The following SVOPL variants were observed in gnomAD, a reference collection of about 807,000 sequenced individuals.
SVOPL encodes the protein putative transporter SVOPL.
In SVOPL, 60 loss-of-function variants were observed where a neutral mutation model predicts 61.0. The ratio of observed to expected loss-of-function variants is 0.98; its 90% CI spans 0.80 to 1.22. The LOEUF (loss-of-function observed/expected upper bound fraction) is 1.22, where lower values mean the gene tolerates loss of function less well. Ranked by LOEUF, SVOPL falls within the 50% of genes most tolerant of loss-of-function variation. SVOPL has a pLI of 0.00. For missense variants in SVOPL, 662 were observed against 643.9 expected (o/e 1.03, Z -0.30); for synonymous variants, 279 against 250.0 (o/e 1.12, Z -1.09).
chr7:138,653,908 G>A (rs1480961640), intron 7 of SVOPL, among the ~76,000 whole-genome samples: 1 of 148,794 alleles, frequency 6.7e-6, no homozygotes, highest in African/African-American at 2.5e-5. Context: ...ACTCCAGCCT[G>A]GACGACAGAG....
intron 13 of SVOPL, among the ~76,000 whole-genome samples, chr7:138,622,424 A>G (rs1186223614): frequency 6.6e-6 from 1 of 151,040 alleles, no homozygotes; most frequent in East Asian, 1.9e-4. Context: ...CCTCCCAAGT[A>G]GCTGGGATTA....
chr7:138,599,828 C>T (rs1798437242), intron 14 of SVOPL, among the ~76,000 whole-genome samples: 1 of 146,278 alleles, frequency 6.8e-6, no homozygotes, highest in Non-Finnish European at 1.5e-5. Context: ...GCAGAGGTTG[C>T]AGTGAGCTGA....
intron 1 of SVOPL, among the ~76,000 whole-genome samples, chr7:138,688,793 C>G (rs948478343): frequency 3.3e-5 from 5 of 152,076 alleles, no homozygotes; most frequent in African/African-American, 1.2e-4. Context: ...TAGGTATAAC[C>G]TCAGGAGAAT....
intron 14 of SVOPL, among the ~76,000 whole-genome samples, chr7:138,605,897 C>A (rs192092229): frequency 6.6e-6 from 1 of 152,150 alleles, no homozygotes; most frequent in Non-Finnish European, 1.5e-5. Context: ...TTCCAATCAA[C>A]CTCTTGCATG....
Position 138,644,813 on chromosome 7 carries a change from G to A in SVOPL, c.693C>T (p.Ser231=), listed in dbSNP as rs1452014194. The A allele has an allele frequency of 1.2e-6, 2 of 1,614,158 alleles. No individual in the cohort carries two copies. Among genetic ancestry groups the A allele is most frequent in the Non-Finnish European group, 1.7e-6 (2 of 1,180,030 alleles). ...FIPESARFNV[S]TGNTRAALAT... is the part of the protein sequence containing the mutation. ...CCAGGGCAGCCCGAGTGTTCCCAGT[G>A]GAGACATTGAACCGGGCAGATTCAG... Residue 231 remains serine (S), a synonymous_variant, in exon 9 of 16, where the codon TCC becomes TCT. Transcript: ENST00000674285.
chr7:138,603,492 T>C (rs1798615089), intron 14 of SVOPL, among the ~76,000 whole-genome samples: 1 of 152,148 alleles, frequency 6.6e-6, no homozygotes, highest in Admixed American at 6.6e-5. Flanking sequence ...GAGACCAGCC[T>C]GGCCAACACA....
intron 9 of SVOPL, among the ~76,000 whole-genome samples, chr7:138,639,890 C>T (rs1219435352): frequency 1.3e-5 from 2 of 149,434 alleles, no homozygotes; most frequent in African/African-American, 4.9e-5. Flanking sequence ...CTAGTTGGGA[C>T]TACAGGTGTG....
At chr7:138,622,054 GTATCTATC>G (rs1799632468) in intron 13 of SVOPL, among the ~76,000 whole-genome samples, 21 of 21,028 alleles carry the variant, frequency 1.0e-3, no homozygotes, top group African/African-American at 2.3e-3. Flanking sequence ...ATCTATCTAT[GTATCTATC>G]TATCTATGTA....
intron 5 of SVOPL, chr7:138,660,403 G>A: frequency 2.0e-6 from 2 of 985,028 alleles, no homozygotes; most frequent in Non-Finnish European, 2.4e-6. Context: ...AAACAATACA[G>A]AAGAAAAAAG....
chr7:138,656,388 T>TA, intron 7 of SVOPL, 60 bp downstream of exon 7: 1 of 1,535,512 alleles, frequency 6.5e-7, no homozygotes, highest in East Asian at 2.3e-5. Flanking sequence ...AAGGTATGCC[T>TA]ATATGTACAT....
intron 1 of SVOPL, among the ~76,000 whole-genome samples, chr7:138,695,948 A>T (rs1321970862): frequency 6.6e-6 from 1 of 151,712 alleles, no homozygotes; most frequent in Non-Finnish European, 1.5e-5. Context: ...ACGCCTGGGC[A>T]ATTTTGTATT....
chr7:138,672,656 T>TTTAAAAAA (rs35924408), intron 3 of SVOPL, among the ~76,000 whole-genome samples: 4 of 118,832 alleles, frequency 3.4e-5, no homozygotes, highest in Non-Finnish European at 1.7e-5. Context: ...TTTTTGTGTT[T>TTTAAAAAA]AAAAAAAAAA....
chr7:138,634,103 T>C (rs1800350043), intron 9 of SVOPL, among the ~76,000 whole-genome samples: 1 of 152,242 alleles, frequency 6.6e-6, no homozygotes, highest in Admixed American at 6.5e-5. Flanking sequence ...CTTTTCTCTG[T>C]ACCTCCTGGT....
intron 14 of SVOPL, among the ~76,000 whole-genome samples, chr7:138,603,608 G>A (rs766225303): frequency 7.9e-5 from 12 of 152,170 alleles, no homozygotes; most frequent in Non-Finnish European, 1.3e-4. Flanking sequence ...GCAGGCAGAG[G>A]TTGCAGTGAG....
At chr7:138,611,601 T>C (rs1053197773) in intron 14 of SVOPL, among the ~76,000 whole-genome samples, 7 of 152,152 alleles carry the variant, frequency 4.6e-5, no homozygotes, top group Non-Finnish European at 1.0e-4. Flanking sequence ...GCTGATTTTT[T>C]TTCCCCATGC....
intron 3 of SVOPL, among the ~76,000 whole-genome samples, chr7:138,676,496 G>T (rs532112405): frequency 2.0e-4 from 30 of 151,118 alleles, no homozygotes; most frequent in Non-Finnish European, 3.5e-4. Flanking sequence ...AACTCCTGCT[G>T]CATGAAGCCT....
chr7:138,658,608 G>C (rs1454617268), intron 6 of SVOPL, among the ~76,000 whole-genome samples: 2 of 152,006 alleles, frequency 1.3e-5, no homozygotes, highest in Non-Finnish European at 2.9e-5. Flanking sequence ...CCTGACACTT[G>C]TTAGTATTTC....
intron 1 of SVOPL, among the ~76,000 whole-genome samples, chr7:138,696,026 C>A (rs1038958099): frequency 1.3e-5 from 2 of 152,138 alleles, no homozygotes; most frequent in Admixed American, 6.5e-5. Context: ...AGGTGATCTG[C>A]CCACCTTGGC....
intron 1 of SVOPL, among the ~76,000 whole-genome samples, chr7:138,700,455 C>T (rs1469106860): frequency 6.7e-6 from 1 of 150,172 alleles, no homozygotes; most frequent in Non-Finnish European, 1.5e-5. Flanking sequence ...TCTTCTGCCT[C>T]AGCCTCCTGA....
Sources: gnomAD v4.1 joint callset for allele counts (sites outside exome capture counted in the v4.1 genomes callset) on GRCh38, gnomAD v4.1.1 for gene constraint, MANE v1.5 for transcripts, NCBI Gene and HGNC (gene_info 2026-07-23, HGNC 2026-07-21) for gene names.